Variants in DMXL1 observed in about 807,000 individuals in gnomAD.
DMXL1 encodes the protein dmX-like protein 1.
A neutral mutation model predicts 319.2 loss-of-function variants in DMXL1; 99 were observed. That is an observed-to-expected ratio of 0.31 (90% CI 0.26 to 0.37). The LOEUF (loss-of-function observed/expected upper bound fraction) is 0.37, where lower values mean the gene tolerates loss of function less well. Among genes scored for constraint, DMXL1 ranks in the 10% least tolerant of loss-of-function variants. DMXL1 has a pLI of 1.00. For synonymous variants in DMXL1, 1,385 were observed against 1,235.2 expected, an observed-to-expected ratio of 1.12 and a Z score of -2.54; for missense variants, 3,745 against 3,595.6, an observed-to-expected ratio of 1.04 and a Z score of -1.06.
At chr5:119,217,520 T>A (rs1294980950) in intron 35 of DMXL1, among the ~76,000 whole-genome samples, 1 of 152,208 alleles carries the variant, frequency 6.6e-6, no homozygotes, top group Non-Finnish European at 1.5e-5. Flanking sequence ...AAATCTGTCT[T>A]ATTAATCATT....
chr5:119,111,460 T>G (rs1218738545), intron 5 of DMXL1, among the ~76,000 whole-genome samples: 4 of 152,230 alleles, frequency 2.6e-5, no homozygotes, highest in African/African-American at 4.8e-5. Context: ...GTTTTAACTT[T>G]TTTTAAAAAT....
In DMXL1 at chr5:119,133,570, A is replaced by G; in HGVS notation, c.1646A>G (p.Tyr549Cys). ...ANSLCKSIMM[Y>C]ACTKNVDLAI... is the part of the protein sequence containing the mutation. ...TCTCTCTGTAAAAGCATAATGATGTATGCCTGTACCAAGAATGTTGACTTG... is the reference window on the plus strand; with the variant it reads ...TCTCTCTGTAAAAGCATAATGATGTGTGCCTGTACCAAGAATGTTGACTTG... Residue 549 changes from tyrosine to cysteine, a missense_variant, in exon 12 of 44, where the codon TAT becomes TGT. Coordinates refer to ENST00000539542, the MANE Select transcript of DMXL1 (RefSeq NM_001290321.3). 6.2e-7 allele frequency: 1 copy of G among 1,614,246 alleles called. No individual in the cohort carries two copies. Among genetic ancestry groups the G allele is most frequent in the Non-Finnish European group, 8.5e-7 (1 of 1,180,046 alleles).
intron 34 of DMXL1, 75 bp from the exon 35 acceptor site, chr5:119,216,826 T>C: frequency 1.3e-6 from 1 of 773,212 alleles, no homozygotes; most frequent in Admixed American, 2.3e-5. Flanking sequence ...CAAGTACTAA[T>C]TGATAGATTG....
At chr5:119,123,702 C>T (rs1006362864) in intron 9 of DMXL1, among the ~76,000 whole-genome samples, 3 of 60,234 alleles carry the variant, frequency 5.0e-5, no homozygotes, top group Non-Finnish European at 1.1e-4. Context: ...CACTGTTTTG[C>T]CCAGGCTGGT....
chr5:119,103,929 A>G (rs1282012186), intron 3 of DMXL1, among the ~76,000 whole-genome samples: 3 of 152,190 alleles, frequency 2.0e-5, no homozygotes, highest in Non-Finnish European at 4.4e-5. Flanking sequence ...AAACTCAAAA[A>G]GAGGCTGGTT....
In DMXL1 at chr5:119,085,367, T is replaced by A. The variant is rs1033319587; in HGVS notation, c.88-12612T>A. On this transcript the variant is annotated intron_variant, in intron 1 of 43. Transcript: ENST00000539542. Reference sequence around the variant, plus strand: ...AAATAAATAAATAAATAAATAAATATAATAATAATAATTAATTCTGGATTT... The same window carrying A: ...AAATAAATAAATAAATAAATAAATAAAATAATAATAATTAATTCTGGATTT... 4.5e-4 allele frequency among the ~76,000 whole-genome samples: 67 copies of A among 149,050 alleles called. 1 individual carries two copies. The highest frequency in any genetic ancestry group is 4.2e-3 in the South Asian group (20 of 4,748).
chr5:119,212,269 ACTATC>A (rs939266914), intron 34 of DMXL1, among the ~76,000 whole-genome samples: 4 of 152,066 alleles, frequency 2.6e-5, no homozygotes, highest in Non-Finnish European at 5.9e-5. Context: ...TATGAATTTT[ACTATC>A]CCTAGGTACC....
At chr5:119,243,741 A>G (rs1229916893) in intron 42 of DMXL1, among the ~76,000 whole-genome samples, 1 of 151,962 alleles carries the variant, frequency 6.6e-6, no homozygotes, top group African/African-American at 2.4e-5. Context: ...TGGACTTTTA[A>G]TTTCCTTACC....
intron 18 of DMXL1, among the ~76,000 whole-genome samples, chr5:119,151,000 C>T (rs1769668514): frequency 1.3e-5 from 2 of 151,984 alleles, no homozygotes; most frequent in Admixed American, 1.3e-4. Flanking sequence ...ATAAAAGATC[C>T]AACTGAATCT....
At chr5:119,244,700 T>C in intron 43 of DMXL1, 124 bp downstream of exon 43, 3 of 601,808 alleles carry the variant, frequency 5.0e-6, no homozygotes, top group Non-Finnish European at 8.4e-6. Context: ...TAGTCAGCAG[T>C]GCTAATTGCT....
chr5:119,206,313 C>G (rs573385968), intron 33 of DMXL1, among the ~76,000 whole-genome samples: 4 of 151,820 alleles, frequency 2.6e-5, no homozygotes, highest in Non-Finnish European at 4.4e-5. Flanking sequence ...ACTACTATTC[C>G]CTTTTAAGAA....
At chr5:119,194,833 TC>T (rs757768265) in intron 30 of DMXL1, among the ~76,000 whole-genome samples, 6 of 152,054 alleles carry the variant, frequency 3.9e-5, no homozygotes, top group Non-Finnish European at 8.8e-5. Context: ...GGTGGTCAGA[TC>T]ACTTGAGCGC....
intron 32 of DMXL1, among the ~76,000 whole-genome samples, chr5:119,201,394 A>T (rs1780684491): frequency 6.6e-6 from 1 of 152,132 alleles, no homozygotes. Context: ...TGTTGAACCA[A>T]ACTTGCATCC....
chr5:119,154,165 G>A (rs1418623030), intron 19 of DMXL1, among the ~76,000 whole-genome samples: 3 of 152,100 alleles, frequency 2.0e-5, no homozygotes, highest in Non-Finnish European at 4.4e-5. Context: ...ATAGAAATTA[G>A]GACAGTTTAA....
intron 38 of DMXL1, among the ~76,000 whole-genome samples, chr5:119,227,411 CCT>C (rs1169754493): frequency 6.6e-5 from 10 of 152,158 alleles, no homozygotes; most frequent in African/African-American, 2.2e-4. Context: ...TTTTTAAAAA[CCT>C]CTTGAGGCTC....
At chr5:119,246,433 C>G (rs1006941196) in intron 43 of DMXL1, among the ~76,000 whole-genome samples, 2 of 152,104 alleles carry the variant, frequency 1.3e-5, no homozygotes, top group African/African-American at 4.8e-5. Context: ...TTGTTACCTA[C>G]ATTGTTTCTC....
chr5:119,167,928 T>A (rs1040454264), intron 23 of DMXL1, 64 bp downstream of exon 23: 6 of 1,487,320 alleles, frequency 4.0e-6, no homozygotes, highest in Non-Finnish European at 5.5e-6. Context: ...CATGTGCAGA[T>A]CACTCTATTA....
chr5:119,131,975 A>C (rs573246099), intron 10 of DMXL1, among the ~76,000 whole-genome samples: 4 of 152,340 alleles, frequency 2.6e-5, no homozygotes, highest in Admixed American at 2.0e-4. Context: ...AATCTGAAGA[A>C]AAATATATAC....
At chr5:119,095,017 A>C (rs1057352512) in intron 1 of DMXL1, among the ~76,000 whole-genome samples, 4 of 152,094 alleles carry the variant, frequency 2.6e-5, no homozygotes, top group Middle Eastern at 6.3e-3. Flanking sequence ...CACTGCAACC[A>C]GCTAATTTTT....
Sources: gnomAD v4.1 joint callset for allele counts (sites outside exome capture counted in the v4.1 genomes callset) on GRCh38, gnomAD v4.1.1 for gene constraint, MANE v1.5 for transcripts, NCBI Gene and HGNC (gene_info 2026-07-23, HGNC 2026-07-21) for gene names.